TTC28: variants seen among roughly 807,000 people sequenced by gnomAD.
TTC28 encodes the protein tetratricopeptide repeat protein 28.
In TTC28, 61 loss-of-function variants were observed where a neutral mutation model predicts 198.0. That is an observed-to-expected ratio of 0.31 (90% CI 0.25 to 0.38). The LOEUF is 0.38. Among genes scored for constraint, TTC28 ranks in the 10% least tolerant of loss-of-function variants. The pLI is 1.00. For missense variants in TTC28, 2,678 were observed against 3,164.0 expected (o/e 0.85, Z 3.69); for synonymous variants, 1,171 against 1,297.8 (o/e 0.90, Z 2.10).
chr22:28,501,393 G>A (rs575969426), intron 2 of TTC28, among the ~76,000 whole-genome samples: 1 of 152,250 alleles, frequency 6.6e-6, no homozygotes, highest in Admixed American at 6.5e-5. Context: ...GGTATGACGT[G>A]TGAAGGGAAC....
intron 2 of TTC28, among the ~76,000 whole-genome samples, chr22:28,494,266 A>G (rs114376489): frequency 0.016 from 2,465 of 152,298 alleles, 90 homozygotes; most frequent in African/African-American, 0.057. Flanking sequence ...GACAAAAATC[A>G]AGGATCATCT....
intron 4 of TTC28, among the ~76,000 whole-genome samples, chr22:28,297,287 G>C (rs2044918350): frequency 1.3e-5 from 2 of 151,840 alleles, no homozygotes; most frequent in Non-Finnish European, 2.9e-5. Context: ...TCATAGCTAA[G>C]TGTAACTTTG....
At chr22:28,187,022 G>T (rs991808036) in intron 5 of TTC28, among the ~76,000 whole-genome samples, 2 of 152,076 alleles carry the variant, frequency 1.3e-5, no homozygotes, top group South Asian at 4.1e-4. Context: ...GGGAGAGAGG[G>T]AATAAATAAA....
intron 5 of TTC28, chr22:28,232,952 A>C (rs1320791320): frequency 6.6e-6 from 1 of 152,266 alleles, no homozygotes; most frequent in East Asian, 1.9e-4. Flanking sequence ...AATACAAAAA[A>C]TTAGCTGGGC....
chr22:28,052,894 AG>A (rs1940140008), intron 12 of TTC28, among the ~76,000 whole-genome samples: 1 of 152,202 alleles, frequency 6.6e-6, no homozygotes, highest in African/African-American at 2.4e-5. Context: ...CCGACACAAC[AG>A]GTTTCTATGG....
At chr22:28,252,837 T>G (rs890911583) in intron 5 of TTC28, among the ~76,000 whole-genome samples, 1 of 152,158 alleles carries the variant, frequency 6.6e-6, no homozygotes, top group Admixed American at 6.5e-5. Flanking sequence ...GTTGACTGAT[T>G]CATTACCAAA....
At chr22:28,051,609 C>A (rs948599342) in intron 12 of TTC28, among the ~76,000 whole-genome samples, 1 of 152,144 alleles carries the variant, frequency 6.6e-6, no homozygotes, top group Non-Finnish European at 1.5e-5. Context: ...TCGTTCCTGT[C>A]TTTTTCTGCC....
intron 2 of TTC28, among the ~76,000 whole-genome samples, chr22:28,551,302 A>C (rs1421014690): frequency 6.6e-6 from 1 of 152,174 alleles, no homozygotes; most frequent in Non-Finnish European, 1.5e-5. Flanking sequence ...TTAGACACTC[A>C]AAGATGAATT....
intron 5 of TTC28, among the ~76,000 whole-genome samples, chr22:28,292,115 G>A (rs1487111068): frequency 2.6e-5 from 4 of 151,948 alleles, no homozygotes; most frequent in Non-Finnish European, 5.9e-5. Flanking sequence ...TAATTGTTAT[G>A]TAATTGTTAT....
intron 5 of TTC28, among the ~76,000 whole-genome samples, chr22:28,240,492 T>C (rs1475859100): frequency 6.6e-6 from 1 of 152,200 alleles, no homozygotes. Context: ...AACATGTATC[T>C]ATAGGTATAC....
intron 5 of TTC28, among the ~76,000 whole-genome samples, chr22:28,279,032 TG>T (rs2044527888): frequency 6.6e-6 from 1 of 152,202 alleles, no homozygotes; most frequent in Non-Finnish European, 1.5e-5. Flanking sequence ...CTAGAATTAC[TG>T]CTCATCCTTC....
chr22:28,388,033 G>A (rs1035920111), intron 2 of TTC28, among the ~76,000 whole-genome samples: 3 of 152,162 alleles, frequency 2.0e-5, no homozygotes, highest in African/African-American at 7.2e-5. Context: ...AAGGTGTAAG[G>A]AAGGGATCCA....
intron 2 of TTC28, among the ~76,000 whole-genome samples, chr22:28,377,111 A>G (rs1336845170): frequency 2.6e-5 from 4 of 151,222 alleles, no homozygotes; most frequent in African/African-American, 9.7e-5. Flanking sequence ...AAAAAAACCC[A>G]TGTAATACAT....
chr22:28,562,130 T>C (rs979735156), intron 2 of TTC28, among the ~76,000 whole-genome samples: 1 of 152,058 alleles, frequency 6.6e-6, no homozygotes. Flanking sequence ...TAAAGCATAG[T>C]AATTAAGTAC....
intron 2 of TTC28, among the ~76,000 whole-genome samples, chr22:28,317,844 C>G (rs1688904152): frequency 6.6e-6 from 1 of 152,158 alleles, no homozygotes; most frequent in African/African-American, 2.4e-5. Context: ...CTTAAGACCA[C>G]AGCTCCTATA....
intron 5 of TTC28, among the ~76,000 whole-genome samples, chr22:28,285,023 C>T (rs1304913942): frequency 2.6e-5 from 4 of 152,146 alleles, no homozygotes; most frequent in African/African-American, 7.2e-5. Flanking sequence ...AAATCAATGT[C>T]GAAGACATGT....
chr22:28,016,167 C>T lies in TTC28; in HGVS notation c.4074-1775G>A, dbSNP rs569214092. Among the ~76,000 whole-genome samples the T allele has an allele frequency of 1.7e-4, 26 of 152,196 alleles. No homozygotes were observed. In the South Asian group the frequency reaches 2.1e-3, roughly 12 times the overall value. Reference sequence around the variant, plus strand: ...GAGGGCCAGGGAGCCCACTCACATCCGCTCCCTGGCCTCACTCACTCTGGA... The same window carrying T: ...GAGGGCCAGGGAGCCCACTCACATCTGCTCCCTGGCCTCACTCACTCTGGA... On this transcript the variant is annotated intron_variant, in intron 13 of 22. Transcript: ENST00000397906.
At chr22:28,226,858 G>A (rs1277814255) in intron 5 of TTC28, among the ~76,000 whole-genome samples, 1 of 152,138 alleles carries the variant, frequency 6.6e-6, no homozygotes, top group East Asian at 1.9e-4. Context: ...ATCTTTCAAA[G>A]AGCAGAAGTT....
Position 28,078,359 on chromosome 22 carries a change from C to A in TTC28, c.3932+15721G>T, listed in dbSNP as rs115357681. Among the ~76,000 whole-genome samples the A allele has an allele frequency of 9.3e-3, 1,416 of 152,188 alleles. 26 individuals are homozygous for A. The highest frequency in any genetic ancestry group is 0.032 in the African/African-American group (1,319 of 41,496). ...GCCCAGCATGAACGGAGTCTGCTTA[C>A]GGCACAACTTCTGGTGACTAAATTT... On this transcript the variant is annotated intron_variant, in intron 12 of 22. Coordinates refer to ENST00000397906, the MANE Select transcript of TTC28 (RefSeq NM_001145418.2).
Sources: gnomAD v4.1 joint callset for allele counts (sites outside exome capture counted in the v4.1 genomes callset) on GRCh38, gnomAD v4.1.1 for gene constraint, MANE v1.5 for transcripts, NCBI Gene and HGNC (gene_info 2026-07-23, HGNC 2026-07-21) for gene names.